The following SMC1B variants were observed in gnomAD, a reference collection of about 807,000 sequenced individuals.
SMC1B encodes structural maintenance of chromosomes protein 1B.
A neutral mutation model predicts 157.9 loss-of-function variants in SMC1B; 60 were observed. That is an observed-to-expected ratio of 0.38 (90% CI 0.31 to 0.47). SMC1B has a LOEUF of 0.47. Among genes scored for constraint, SMC1B ranks in the 20% least tolerant of loss-of-function variants. The pLI is 0.99. For missense variants in SMC1B, 1,165 were observed against 1,426.2 expected (o/e 0.82, Z 2.95); for synonymous variants, 445 against 483.0 (o/e 0.92, Z 1.03).
At chr22:45,353,915 AAAAAACAAC>A in intron 21 of SMC1B, 54 bp downstream of exon 21, 1 of 811,232 alleles carries the variant, frequency 1.2e-6, no homozygotes, top group African/African-American at 1.6e-5. Flanking sequence ...AAAAAAAAAA[AAAAAACAAC>A]CACCACCGGT....
chr22:45,371,617 C>T, intron 13 of SMC1B, 30 bp from the exon 14 acceptor site: 1 of 1,567,186 alleles, frequency 6.4e-7, no homozygotes, highest in South Asian at 1.2e-5. Context: ...ATTTTTTTAA[C>T]ATGGCTGTTT....
chr22:45,366,362 A>T (rs948963666), intron 15 of SMC1B, among the ~76,000 whole-genome samples: 1 of 152,132 alleles, frequency 6.6e-6, no homozygotes, highest in African/African-American at 2.4e-5. Context: ...TAAACATTGT[A>T]ATAGGCAGAA....
rs757587320 is a variant in SMC1B, at chr22:45,389,918, G to A, written c.1546-21C>T. ...CCAAACTTAGCAGGTTTCAAAAAAG[G>A]AGAGAAAAACAGATATATTAGAGTG... On this transcript the variant is annotated intron_variant, in intron 9 of 24. Coordinates refer to ENST00000357450, the MANE Select transcript of SMC1B (RefSeq NM_148674.5). 8.1e-6 allele frequency: 13 copies of A among 1,595,572 alleles called. No homozygotes were observed. In the South Asian group the frequency reaches 1.4e-4, roughly 17 times the overall value.
chr22:45,349,168 C>A (rs1347408802), intron 23 of SMC1B, among the ~76,000 whole-genome samples: 1 of 151,524 alleles, frequency 6.6e-6, no homozygotes, highest in East Asian at 1.9e-4. Context: ...GCACCCACCA[C>A]CACGCCTAGC....
chr22:45,372,045 A>AG, intron 13 of SMC1B, 110 bp downstream of exon 13: 3 of 941,746 alleles, frequency 3.2e-6, no homozygotes, highest in South Asian at 2.1e-5. Context: ...ACTCTGTCTC[A>AG]GGAAAAAAAA....
At chr22:45,383,746 T>A (rs879828146) in intron 11 of SMC1B, 133 bp from the exon 12 acceptor site, 2 of 708,768 alleles carry the variant, frequency 2.8e-6, no homozygotes, top group Admixed American at 7.6e-5. Context: ...TAATAAAATA[T>A]CTAGTTTATG....
At chr22:45,377,855 C>CA (rs1555928006) in intron 12 of SMC1B, among the ~76,000 whole-genome samples, 1 of 144,600 alleles carries the variant, frequency 6.9e-6, no homozygotes, top group African/African-American at 2.5e-5. Flanking sequence ...AATTGCTTTC[C>CA]TTTTTTTTTT....
rs1347408634 is a variant in SMC1B at position 45,344,657 on chromosome 22, A to T, written c.3607T>A (p.Tyr1203Asn). ...ACTCGGCTGAACATGCAGTCATCGT[A>T]CTAAAATGGAGAGAAGACAGTTAAA... is the stretch of plus-strand genomic sequence containing the variant. ...ADALIGIYPE[Y>N]DDCMFSRVLT... Residue 1203 changes from tyrosine (Y) to asparagine (N), a missense_variant and splice_region_variant, in exon 25 of 25, where the codon TAC (tyrosine) becomes AAC (asparagine). Coordinates refer to ENST00000357450, the MANE Select transcript of SMC1B (RefSeq NM_148674.5). The T allele has an allele frequency of 6.2e-7, 1 of 1,610,248 alleles. No homozygotes were observed. The highest frequency in any genetic ancestry group is 8.5e-7 in the Non-Finnish European group (1 of 1,176,470).
intron 14 of SMC1B, 29 bp from the exon 15 acceptor site, chr22:45,370,089 T>A: frequency 8.1e-7 from 1 of 1,236,048 alleles, no homozygotes; most frequent in Non-Finnish European, 1.1e-6. Context: ...ACAATTGATT[T>A]AATAAGCAAT....
intron 23 of SMC1B, among the ~76,000 whole-genome samples, chr22:45,348,792 A>G (rs992335339): frequency 4.7e-5 from 7 of 147,686 alleles, no homozygotes; most frequent in Non-Finnish European, 7.4e-5. Context: ...TCTGTCTCTC[A>G]GGCTCAGGTG....
At chr22:45,407,677 G>T (rs922855760) in intron 2 of SMC1B, among the ~76,000 whole-genome samples, 2 of 152,066 alleles carry the variant, frequency 1.3e-5, no homozygotes, top group African/African-American at 4.8e-5. Flanking sequence ...TCAAACTCCC[G>T]AGTTCAAGCA....
At chr22:45,408,985 G>T in intron 1 of SMC1B, 87 bp from the exon 2 acceptor site, 1 of 731,122 alleles carries the variant, frequency 1.4e-6, no homozygotes, top group Non-Finnish European at 2.2e-6. Context: ...ACCAATCGAA[G>T]TGAAATATAG....
intron 1 of SMC1B, among the ~76,000 whole-genome samples, chr22:45,410,844 T>C (rs2087324302): frequency 1.3e-5 from 2 of 152,198 alleles, no homozygotes; most frequent in African/African-American, 4.8e-5. Flanking sequence ...TAGAAATAAA[T>C]TGCTGCAAAT....
chr22:45,357,866 C>T (rs763560963), intron 19 of SMC1B, among the ~76,000 whole-genome samples: 4 of 152,100 alleles, frequency 2.6e-5, no homozygotes, highest in East Asian at 1.9e-4. Context: ...GATAAGCCCC[C>T]GTCAATCATA....
intron 15 of SMC1B, among the ~76,000 whole-genome samples, chr22:45,366,019 T>G (rs903329786): frequency 1.8e-4 from 27 of 149,956 alleles, no homozygotes; most frequent in African/African-American, 6.1e-4. Context: ...TTTTTGGGTT[T>G]GTTTGTTTGT....
At chr22:45,394,931 C>T (rs59269078) in intron 7 of SMC1B, among the ~76,000 whole-genome samples, 164 bp from the exon 8 acceptor site, 636 of 152,272 alleles carry the variant, frequency 4.2e-3, no homozygotes, top group African/African-American at 0.014. Context: ...CAGGGTTCAA[C>T]TCCTGAATCT....
intron 15 of SMC1B, 47 bp downstream of exon 15, chr22:45,369,907 T>A: frequency 9.5e-7 from 1 of 1,054,980 alleles, no homozygotes; most frequent in Non-Finnish European, 1.4e-6. Flanking sequence ...TAATAACTAT[T>A]TTTATAAATA....
intron 6 of SMC1B, 62 bp downstream of exon 6, chr22:45,399,033 T>C: frequency 4.7e-6 from 7 of 1,504,098 alleles, no homozygotes; most frequent in Non-Finnish European, 5.4e-6. Context: ...TAAATTTTTT[T>C]CTAATTCAAA....
Position 45,371,462 on chromosome 22 carries a change from A to G in SMC1B, c.2313+9T>C. The G allele has an allele frequency of 6.3e-7, 1 of 1,580,994 alleles. No homozygotes were observed. The highest frequency in any genetic ancestry group is 8.6e-7 in the Non-Finnish European group (1 of 1,167,952). On this transcript the variant is annotated intron_variant, in intron 14 of 24. Coordinates refer to ENST00000357450, the MANE Select transcript of SMC1B (RefSeq NM_148674.5). Reference sequence around the variant, plus strand: ...TATACCATTTAGGAATAAATATAACATTCATGACCTTATCTATCTTTTCTT... The same window carrying G: ...TATACCATTTAGGAATAAATATAACGTTCATGACCTTATCTATCTTTTCTT...
Sources: gnomAD v4.1 joint callset for allele counts (sites outside exome capture counted in the v4.1 genomes callset) on GRCh38, gnomAD v4.1.1 for gene constraint, MANE v1.5 for transcripts, NCBI Gene and HGNC (gene_info 2026-07-23, HGNC 2026-07-21) for gene names.